Variants in CTNNA3 observed in about 807,000 individuals in gnomAD.
CTNNA3 encodes the protein catenin alpha-3.
In CTNNA3, 76 loss-of-function variants were observed where a neutral mutation model predicts 95.7. That is an observed-to-expected ratio of 0.79 (90% CI 0.66 to 0.96). The LOEUF (loss-of-function observed/expected upper bound fraction) is 0.96, where lower values mean the gene tolerates loss of function less well. CTNNA3 is among the 40% of genes least tolerant of loss of function. CTNNA3 has a pLI of 0.00. For missense variants in CTNNA3, 1,191 were observed against 1,089.8 expected (o/e 1.09, Z -1.31); for synonymous variants, 431 against 374.4 (o/e 1.15, Z -1.74).
intron 2 of CTNNA3, among the ~76,000 whole-genome samples, chr10:67,639,872 T>A (rs1254749884): frequency 2.6e-5 from 4 of 152,172 alleles, no homozygotes; most frequent in Non-Finnish European, 5.9e-5. Flanking sequence ...TAATAAGAGC[T>A]ATTTATGACC....
intron 7 of CTNNA3, among the ~76,000 whole-genome samples, chr10:67,141,375 AGTTTT>A (rs1860558088): frequency 6.6e-6 from 1 of 152,154 alleles, no homozygotes; most frequent in Non-Finnish European, 1.5e-5. Flanking sequence ...AACCAAAGCA[AGTTTT>A]GTCCTCCTAG....
At chr10:66,163,469 A>T (rs1589604635) in intron 13 of CTNNA3, among the ~76,000 whole-genome samples, 2 of 152,124 alleles carry the variant, frequency 1.3e-5, no homozygotes, top group Admixed American at 6.5e-5. Context: ...TCCTGCAAAC[A>T]GACCTTCAGG....
In CTNNA3 at chr10:66,811,661, C is replaced by A. The variant is rs538902448; in HGVS notation, c.1048-36137G>T. Reference sequence around the variant, plus strand: ...ATTGGAATAACCAAAAAAGCCCTCACTCATTTACAAACGCTCTCAGTTGAG... The same window carrying A: ...ATTGGAATAACCAAAAAAGCCCTCAATCATTTACAAACGCTCTCAGTTGAG... On this transcript the variant is annotated intron_variant, in intron 7 of 17. Transcript: ENST00000433211. 3.3e-5 allele frequency among the ~76,000 whole-genome samples: 5 copies of A among 152,330 alleles called. No homozygotes were observed. In the South Asian group the frequency reaches 1.0e-3, roughly 32 times the overall value.
At chr10:67,448,242 A>T (rs1461463694) in intron 5 of CTNNA3, among the ~76,000 whole-genome samples, 1 of 152,240 alleles carries the variant, frequency 6.6e-6, no homozygotes, top group Non-Finnish European at 1.5e-5. Flanking sequence ...GAAATATTAG[A>T]ATATATGAAT....
chr10:66,048,498 C>T (rs1027390983), intron 15 of CTNNA3, among the ~76,000 whole-genome samples: 6 of 152,112 alleles, frequency 3.9e-5, no homozygotes, highest in East Asian at 1.9e-4. Context: ...CGGTGGCTCA[C>T]GCCTATAATC....
intron 7 of CTNNA3, among the ~76,000 whole-genome samples, chr10:66,813,724 G>C (rs1841969935): frequency 6.6e-6 from 1 of 152,126 alleles, no homozygotes. Flanking sequence ...TGATGAGAGA[G>C]AGTAAAAGAA....
chr10:67,527,193 G>A (rs769258064), intron 4 of CTNNA3, among the ~76,000 whole-genome samples: 26 of 152,094 alleles, frequency 1.7e-4, no homozygotes, highest in Non-Finnish European at 3.5e-4. Flanking sequence ...GGAGGCAGAC[G>A]TTGCAGTGAG....
At chr10:67,742,170 C>T (rs1450631258) in intron 1 of CTNNA3, among the ~76,000 whole-genome samples, 1 of 149,790 alleles carries the variant, frequency 6.7e-6, no homozygotes, top group Non-Finnish European at 1.5e-5. Flanking sequence ...ATAGACACAA[C>T]TTTCCACCCC....
chr10:66,288,922 G>A (rs2091634544), intron 12 of CTNNA3, among the ~76,000 whole-genome samples: 1 of 151,912 alleles, frequency 6.6e-6, no homozygotes, highest in African/African-American at 2.4e-5. Flanking sequence ...AGCTTTATTG[G>A]TCAACATGTA....
chr10:66,574,946 G>A (rs1842965074), intron 10 of CTNNA3, among the ~76,000 whole-genome samples: 1 of 152,090 alleles, frequency 6.6e-6, no homozygotes, highest in African/African-American at 2.4e-5. Flanking sequence ...AACTATGGGT[G>A]TGATTGTCTA....
At chr10:67,473,421 T>C (rs1037543676) in intron 5 of CTNNA3, among the ~76,000 whole-genome samples, 1 of 152,208 alleles carries the variant, frequency 6.6e-6, no homozygotes. Flanking sequence ...CCATAACATT[T>C]GTACTAAATA....
chr10:67,099,903 A>C (rs1236384631), intron 7 of CTNNA3: 1 of 151,744 alleles, frequency 6.6e-6, no homozygotes, highest in East Asian at 1.9e-4. Flanking sequence ...TAGCAAATTT[A>C]TAAAGGGTTA....
chr10:66,379,271 C>A lies in CTNNA3; in HGVS notation c.1613G>T (p.Gly538Val), dbSNP rs2092818239. Residue 538 changes from glycine (G) to valine (V), a missense_variant, in exon 12 of 18, where the codon GGT becomes GTT. By Grantham distance (109) the Gly-to-Val change is moderately radical. Coordinates refer to ENST00000433211, the MANE Select transcript of CTNNA3 (RefSeq NM_013266.4). ...QDADNLDRAA[G>V]AIRGRAARVA... ...TCTTGCTGCCCGGCCTCTGATAGCA[C>A]CCGCAGCACGGTCTAAATTATCAGC... is the stretch of plus-strand genomic sequence containing the variant. The A allele has an allele frequency of 6.2e-7, 1 of 1,614,012 alleles. No homozygotes were observed.
intron 7 of CTNNA3, among the ~76,000 whole-genome samples, chr10:67,005,688 T>TTTTTTTTTTTTTTTTTC (rs1851938028): frequency 1.0e-5 from 1 of 98,836 alleles, no homozygotes; most frequent in Admixed American, 1.1e-4. Flanking sequence ...CCATCTTTTT[T>TTTTTTTTTTTTTTTTTC]TTTTTTTTTT....
chr10:66,780,787 A>T lies in CTNNA3; in HGVS notation c.1048-5263T>A, dbSNP rs190351233. Among the ~76,000 whole-genome samples, 15 of 152,332 alleles carry T rather than the reference A, an allele frequency of 9.8e-5. 1 individual carries two copies. Among genetic ancestry groups the T allele is most frequent in the Admixed American group, 5.2e-4 (8 of 15,298 alleles). On this transcript the variant is annotated intron_variant, in intron 7 of 17. Transcript: ENST00000433211. ...AGTTATTTGTTAAATAAATAGAGAA[A>T]TAGAAGACTGGATAAGGTTTTGGCA...
At chr10:66,565,652 T>C (rs1006480857) in intron 10 of CTNNA3, among the ~76,000 whole-genome samples, 1 of 152,118 alleles carries the variant, frequency 6.6e-6, no homozygotes, top group East Asian at 1.9e-4. Flanking sequence ...GCGCCTGAGG[T>C]TGCTGCAATT....
At chr10:66,107,148 T>C (rs556444968) in intron 13 of CTNNA3, among the ~76,000 whole-genome samples, 1 of 152,288 alleles carries the variant, frequency 6.6e-6, no homozygotes, top group Admixed American at 6.5e-5. Flanking sequence ...GGGCTGTCTC[T>C]AAACCAGACA....
chr10:67,186,949 C>T (rs537519165), intron 6 of CTNNA3, among the ~76,000 whole-genome samples: 2 of 152,066 alleles, frequency 1.3e-5, no homozygotes, highest in Non-Finnish European at 2.9e-5. Context: ...GTCTTAGAAG[C>T]AGATAGCCTG....
chr10:66,695,901 G>T (rs1291746241), intron 9 of CTNNA3, among the ~76,000 whole-genome samples: 4 of 114,466 alleles, frequency 3.5e-5, no homozygotes, highest in African/African-American at 1.3e-4. Context: ...CTAAAAATTG[G>T]GTGAAAGAGA....
Sources: gnomAD v4.1 joint callset for allele counts (sites outside exome capture counted in the v4.1 genomes callset) on GRCh38, gnomAD v4.1.1 for gene constraint, MANE v1.5 for transcripts, NCBI Gene and HGNC (gene_info 2026-07-23, HGNC 2026-07-21) for gene names.